The following ATG2A variants were observed in gnomAD, a reference collection of about 807,000 sequenced individuals.
The protein encoded by ATG2A is autophagy related 2A.
ATG2A carries 103 observed loss-of-function variants against 214.2 expected under a neutral mutation model. The observed-to-expected ratio is 0.48, with a 90% CI of 0.41 to 0.57. The LOEUF (loss-of-function observed/expected upper bound fraction) is 0.57. Among genes scored for constraint, ATG2A ranks in the 20% least tolerant of loss-of-function variants. The pLI, the probability that ATG2A is intolerant of heterozygous loss-of-function variation, is 0.00. For synonymous variants in ATG2A, 1,160 were observed against 1,142.1 expected (o/e 1.02, Z -0.32); for missense variants, 2,312 against 2,613.2 (o/e 0.88, Z 2.51).
At chr11:64,910,507 G>A in intron 12 of ATG2A, 109 bp downstream of exon 12, 3 of 1,293,660 alleles carry the variant, frequency 2.3e-6, no homozygotes, top group Admixed American at 4.1e-5. Flanking sequence ...GAGATGTGGA[G>A]CACAGGGGAA....
Position 64,910,687 on chromosome 11 carries a change from G to C in ATG2A, c.1636C>G (p.Leu546Val), listed in dbSNP as rs368175031. The C allele has an allele frequency of 2.5e-6, 4 of 1,610,272 alleles. No homozygotes were observed. The African/African-American group carries it at 5.3e-5, about 22-fold the overall frequency. Residue 546 changes from leucine (L) to valine (V), a missense_variant, in exon 12 of 41, where the codon CTG becomes GTG. By Grantham distance (32) the Leu-to-Val change is conservative. Coordinates refer to ENST00000377264, the MANE Select transcript of ATG2A (RefSeq NM_015104.3). ...YTEILTFPGT[L>V]GSQASARPCA... ...GGCCGAGCTGAGGCCTGGGAGCCCA[G>C]CGTACCAGGAAAGGTCAGGATCTGG...
Position 64,896,401 on chromosome 11 carries a change from G to A in ATG2A, c.5427+61C>T, listed in dbSNP as rs1250699619. 6 of 1,532,110 alleles carry A rather than the reference G, an allele frequency of 3.9e-6. No individual in the cohort carries two copies. The South Asian group carries it at 7.2e-5, about 18-fold the overall frequency. 94.9% of individuals were successfully genotyped at this position (1,532,110 alleles called of 1,614,324 possible). A position where few individuals can be genotyped will look rare whatever the true frequency, so the allele number is the denominator to read the frequency against. On this transcript the variant is annotated intron_variant, in intron 39 of 40. Transcript: ENST00000377264. ...GCTTTGAGGACAGAACCAGGGAGCTGTGGTGCAGAGGGCTCCAGCTGCTCT... is the reference window on the plus strand; with the variant it reads ...GCTTTGAGGACAGAACCAGGGAGCTATGGTGCAGAGGGCTCCAGCTGCTCT...
rs781428089 is a variant in ATG2A at position 64,907,826 on chromosome 11, C to T, written c.2429G>A (p.Arg810His). Residue 810 changes from arginine (R) to histidine (H), a missense_variant, in exon 17 of 41, where the codon CGC becomes CAC. Physicochemically the swap from Arg to His is conservative, Grantham distance 29 (BLOSUM62 0). Transcript: ENST00000377264. The stretch of plus-strand genomic sequence containing the variant: ...GGGCAGGATCACTTCCAGGCTGCAG[C>T]GGGACAGTGCCAGGGTCCGGCTCTG... ...TFQSRTLALS[R>H]CSLEVILPSV... is the part of the protein sequence containing the mutation. 22 of 1,613,264 alleles carry T rather than the reference C, an allele frequency of 1.4e-5. No individual in the cohort carries two copies. The highest frequency in any genetic ancestry group is 8.3e-5 in the Admixed American group (5 of 59,956).
At position 64,909,664 on chromosome 11, in the gene ATG2A, C is replaced by A; in HGVS notation, c.2107+17G>T. On this transcript the variant is annotated intron_variant, in intron 14 of 40. Transcript: ENST00000377264. ...CCAGGCCTCTTGCCCCAAGTTCTGT[C>A]ACTCGGGGGCTCTCACCATGTAGGT... is the stretch of plus-strand genomic sequence containing the variant. 2 of 1,606,824 alleles carry A rather than the reference C, an allele frequency of 1.2e-6. No homozygotes were observed. Among genetic ancestry groups the A allele is most frequent in the South Asian group, 2.2e-5 (2 of 91,018 alleles).
chr11:64,908,551 C>CAA (rs139382606), intron 16 of ATG2A, among the ~76,000 whole-genome samples: 3 of 142,454 alleles, frequency 2.1e-5, no homozygotes, highest in Non-Finnish European at 3.1e-5. Context: ...AACTCTATCT[C>CAA]AAAAAAAAAA....
At chr11:64,901,145 G>A in intron 29 of ATG2A, 53 bp from the exon 30 acceptor site, 2 of 1,506,202 alleles carry the variant, frequency 1.3e-6, no homozygotes, top group Non-Finnish European at 8.9e-7. Flanking sequence ...CAGCCCAGCT[G>A]CCCCCAGCCC....
intron 26 of ATG2A, 52 bp from the exon 27 acceptor site, chr11:64,902,732 T>C: frequency 1.3e-6 from 2 of 1,536,270 alleles, no homozygotes; most frequent in Non-Finnish European, 1.8e-6. Context: ...GGCCACTGCC[T>C]GCTGGCCCCA....
chr11:64,907,252 C>A lies in ATG2A; in HGVS notation c.2832+3G>T. On this transcript the variant is annotated splice_donor_region_variant and intron_variant, in intron 19 of 40. Transcript: ENST00000377264. ...GGGCCCGCCTGCCCGGGGCTGCACT[C>A]ACCTTGGTCTCACAGAGGGCTGTGA... is the stretch of plus-strand genomic sequence containing the variant. 1 of 1,499,562 alleles carries A rather than the reference C, an allele frequency of 6.7e-7. No individual in the cohort carries two copies. The highest frequency in any genetic ancestry group is 1.3e-5 in the South Asian group (1 of 76,912). The allele number at this position is 1,499,562 out of a possible 1,614,324, so 92.9% of individuals were successfully genotyped here.
At chr11:64,899,860 C>CA (rs1290986963) in intron 31 of ATG2A, among the ~76,000 whole-genome samples, 4 of 147,154 alleles carry the variant, frequency 2.7e-5, no homozygotes, top group African/African-American at 7.9e-5. Context: ...CAGCTTCCAG[C>CA]ATTTTTTTTT....
chr11:64,913,838 G>A lies in ATG2A; in HGVS notation c.573C>T (p.Val191=), dbSNP rs771011431. 9 of 1,613,494 alleles carry A rather than the reference G, an allele frequency of 5.6e-6. No homozygotes were observed. Among genetic ancestry groups the A allele is most frequent in the South Asian group, 3.3e-5 (3 of 91,074 alleles). ...SPGDGERGVA[V]EVRVQRLEYC... is the part of the protein sequence containing the mutation. ...GCCCTTACCTCTGCACACGGACCTCGACGGCCACACCACGTTCCCCATCAC... is the reference window on the plus strand; with the variant it reads ...GCCCTTACCTCTGCACACGGACCTCAACGGCCACACCACGTTCCCCATCAC... The change falls in exon 4 of 41, where the codon GTC becomes GTT. Residue 191 remains valine, a synonymous_variant. Coordinates refer to ENST00000377264, the MANE Select transcript of ATG2A (RefSeq NM_015104.3). This position sits in a 1 kb window ranked among gnomAD's most constrained non-coding sequence, Gnocchi z 4.3.
rs539589425 is a variant in ATG2A, at chr11:64,897,649, C to T, written c.5067+22G>A. ...GCCACAGCTGACCCCACATGGCCAC[C>T]CCATCCGACCGCCCCACTTACCACC... is the stretch of plus-strand genomic sequence containing the variant. On this transcript the variant is annotated intron_variant, in intron 36 of 40. Transcript: ENST00000377264. 42 of 1,614,182 alleles carry T rather than the reference C, an allele frequency of 2.6e-5. No homozygotes were observed. The South Asian group carries it at 4.4e-4, about 17-fold the overall frequency.
rs1281299370 is a variant in ATG2A, at chr11:64,911,134, G to T, written c.1370C>A (p.Thr457Asn). ...CCCATCCTTGGTGGCATCAAACTCGGTGAAAAAGTGCGTGGCGAGGTCAGG... is the reference window on the plus strand; with the variant it reads ...CCCATCCTTGGTGGCATCAAACTCGTTGAAAAAGTGCGTGGCGAGGTCAGG... Reference protein sequence around the residue: ...GPPDLATHFFTEFDATKDGPF... With the variant: ...GPPDLATHFFNEFDATKDGPF... Residue 457 changes from threonine (T) to asparagine (N), a missense_variant, in exon 10 of 41, where the codon ACC becomes AAC. Physicochemically the swap from Thr to Asn is moderately conservative, Grantham distance 65 (BLOSUM62 0). Transcript: ENST00000377264. 6.2e-7 allele frequency: 1 copy of T among 1,614,046 alleles called. No individual in the cohort carries two copies. Among genetic ancestry groups the T allele is most frequent in the African/African-American group, 1.3e-5 (1 of 74,926 alleles).
chr11:64,906,849 C>G, intron 19 of ATG2A, 34 bp from the exon 20 acceptor site: 1 of 1,597,732 alleles, frequency 6.3e-7, no homozygotes, highest in Non-Finnish European at 8.5e-7. Flanking sequence ...GCTTCCCCAG[C>G]TGCACTCAGC....
At chr11:64,904,076 T>C (rs1944454241) in intron 24 of ATG2A, among the ~76,000 whole-genome samples, 1 of 151,772 alleles carries the variant, frequency 6.6e-6, no homozygotes. Flanking sequence ...TGAAACCCCA[T>C]GTCTACTAAA....
Position 64,902,308 on chromosome 11 carries a change from C to T in ATG2A, c.3856G>A (p.Ala1286Thr), listed in dbSNP as rs760272633. The change falls in exon 28 of 41, where the codon GCC becomes ACC. Residue 1286 changes from alanine (A) to threonine (T), a missense_variant. Transcript: ENST00000377264. ...ALINQRDLAD[A>T]LLDTERSLRE... Reference sequence around the variant, plus strand: ...AGGCTGCGCTCGGTGTCCAGGAGGGCGTCGGCCAGGTCACGCTGGTTGATG... The same window carrying T: ...AGGCTGCGCTCGGTGTCCAGGAGGGTGTCGGCCAGGTCACGCTGGTTGATG... 2 of 1,611,932 alleles carry T rather than the reference C, an allele frequency of 1.2e-6. No individual in the cohort carries two copies. Among genetic ancestry groups the T allele is most frequent in the East Asian group, 2.2e-5 (1 of 44,884 alleles).
At position 64,912,101 on chromosome 11, in the gene ATG2A, G is replaced by A; in HGVS notation, c.1071C>T (p.Leu357=). 3 of 1,613,574 alleles carry A rather than the reference G, an allele frequency of 1.9e-6. No individual in the cohort carries two copies. The highest frequency in any genetic ancestry group is 2.5e-6 in the Non-Finnish European group (3 of 1,179,646). ...CACACCCACCAGTGTTATCCAGGTT[G>A]AGAAGGGGGTTGGTAAGGGGGTCTG... The part of the protein sequence containing the change: ...LSPDPLTNPL[L]NLDNTDLFFS... The change falls in exon 8 of 41, where the codon CTC becomes CTT. Residue 357 remains leucine (L), a synonymous_variant. Transcript: ENST00000377264.
Position 64,897,932 on chromosome 11 carries a change from C to T in ATG2A, c.4901G>A (p.Gly1634Glu). 6.5e-7 allele frequency: 1 copy of T among 1,549,198 alleles called. No homozygotes were observed. Among genetic ancestry groups the T allele is most frequent in the Non-Finnish European group, 8.7e-7 (1 of 1,149,430 alleles). ...TRAQPSSPLE[G>E]QAEGVETTGS... ...AGTGGTCTCTACGCCTTCGGCCTGCCCTTCCAGGGGGCTGCTGGGCTGGGC... is the reference window on the plus strand; with the variant it reads ...AGTGGTCTCTACGCCTTCGGCCTGCTCTTCCAGGGGGCTGCTGGGCTGGGC... The change falls in exon 35 of 41, where the codon GGG becomes GAG. Residue 1634 changes from glycine (G) to glutamate (E), a missense_variant. Physicochemically the swap from Gly to Glu is moderately conservative, Grantham distance 98. Transcript: ENST00000377264.
Position 64,898,292 on chromosome 11 carries a change from G to A in ATG2A, c.4742C>T (p.Ser1581Leu). 7 of 1,613,078 alleles carry A rather than the reference G, an allele frequency of 4.3e-6. No homozygotes were observed. The highest frequency in any genetic ancestry group is 2.2e-5 in the South Asian group (2 of 90,968). ...CACATTGAGCCGCAGGGGCATCAGC[G>A]AGACGCGGAGACAGCACTCAGGCCC... ...LGGPECCLRV[S>L]LMPLRLNVDQ... is the part of the protein sequence containing the mutation. The change falls in exon 33 of 41, where the codon TCG becomes TTG. Residue 1581 changes from serine (S) to leucine (L), a missense_variant. By Grantham distance (145) the Ser-to-Leu change is moderately radical (BLOSUM62 -2). Coordinates refer to ENST00000377264, the MANE Select transcript of ATG2A (RefSeq NM_015104.3). This position sits in a 1 kb window ranked among gnomAD's most constrained non-coding sequence, Gnocchi z 4.5.
In ATG2A at chr11:64,909,229, A is replaced by T. The variant is rs1365900980; in HGVS notation, c.2204+42T>A. On this transcript the variant is annotated intron_variant, in intron 15 of 40. Transcript: ENST00000377264. ...AAACTGGCCCCCTGCCACCCCCAGC[A>T]GAACCCTCCTCTCCTGGGCCCAGTC... 5.0e-6 allele frequency: 8 copies of T among 1,611,796 alleles called. No individual in the cohort carries two copies. In the African/African-American group the frequency reaches 1.1e-4, roughly 22 times the overall value.
Sources: gnomAD v4.1 joint callset for allele counts (sites outside exome capture counted in the v4.1 genomes callset) on GRCh38, gnomAD v4.1.1 for gene constraint, Gnocchi (gnomAD v3.1) non-coding constraint, MANE v1.5 for transcripts, NCBI Gene and HGNC (gene_info 2026-07-23, HGNC 2026-07-21) for gene names.